TPTE2: variants seen among roughly 807,000 people sequenced by gnomAD.
The protein encoded by TPTE2 is transmembrane phosphoinositide 3-phosphatase and tensin homolog 2, also known as phosphatidylinositol 3,4,5-trisphosphate 3-phosphatase TPTE2.
In TPTE2, 53 loss-of-function variants were observed where a neutral mutation model predicts 78.6. The ratio of observed to expected loss-of-function variants is 0.67; its 90% CI spans 0.54 to 0.85. The LOEUF is 0.85. Ranked by LOEUF, TPTE2 falls within the 40% of genes least tolerant of loss-of-function variation. The probability of loss-of-function intolerance (pLI) is 0.00; values close to 1 mark genes in which losing one functional copy is unlikely to be tolerated. For synonymous variants in TPTE2, 175 were observed against 206.2 expected (o/e 0.85, Z 1.30); for missense variants, 461 against 623.0 (o/e 0.74, Z 2.77).
the TPTE2 span, among the ~76,000 whole-genome samples, chr13:19,554,996 T>C: frequency 6.6e-6 from 1 of 152,214 alleles, no homozygotes; most frequent in Non-Finnish European, 1.5e-5. Context: ...TTTTCCACCA[T>C]CATTAGGATC....
At chr13:19,528,850 T>C (rs1225176422) in intron 1 of TPTE2, among the ~76,000 whole-genome samples, 1 of 152,172 alleles carries the variant, frequency 6.6e-6, no homozygotes, top group Non-Finnish European at 1.5e-5. Context: ...CTGGGTGTGG[T>C]GGCTCACGCC....
intron 10 of TPTE2, among the ~76,000 whole-genome samples, chr13:19,456,695 T>G (rs1878556637): frequency 1.3e-5 from 2 of 152,172 alleles, no homozygotes; most frequent in South Asian, 4.1e-4. Context: ...TTGGAAATCT[T>G]AATATTTTTA....
chr13:19,506,952 G>A (rs1194632891), upstream of TPTE2, among the ~76,000 whole-genome samples: 4 of 152,118 alleles, frequency 2.6e-5, no homozygotes, highest in African/African-American at 9.7e-5. Flanking sequence ...GACTTCTTGT[G>A]ATCTATTTAT....
intron 1 of TPTE2, among the ~76,000 whole-genome samples, chr13:19,509,946 G>C (rs1869320419): frequency 6.6e-6 from 1 of 152,164 alleles, no homozygotes; most frequent in African/African-American, 2.4e-5. Context: ...CCATATTTAA[G>C]GGTAAACTCT....
chr13:19,554,269 G>A, the TPTE2 span, among the ~76,000 whole-genome samples: 1 of 152,062 alleles, frequency 6.6e-6, no homozygotes, highest in Non-Finnish European at 1.5e-5. Flanking sequence ...CAGCTACTCT[G>A]GAGGCTGAGG....
chr13:19,445,888 C>A (rs953336298), intron 13 of TPTE2, among the ~76,000 whole-genome samples: 3 of 152,328 alleles, frequency 2.0e-5, no homozygotes, highest in South Asian at 4.1e-4. Flanking sequence ...TTGCAATGAA[C>A]TGAGATCATG....
At chr13:19,439,350 G>A (rs888500286) in intron 13 of TPTE2, among the ~76,000 whole-genome samples, 8 of 151,722 alleles carry the variant, frequency 5.3e-5, no homozygotes, top group Non-Finnish European at 1.0e-4. Flanking sequence ...GGCTGCAGAA[G>A]CAAAGCCAAA....
At chr13:19,441,454 AG>A (rs576305661) in intron 13 of TPTE2, among the ~76,000 whole-genome samples, 1 of 152,098 alleles carries the variant, frequency 6.6e-6, no homozygotes, top group Non-Finnish European at 1.5e-5. Context: ...AAGAAAAAAA[AG>A]TATTTTGCCC....
chr13:19,438,936 G>C (rs894522308), intron 13 of TPTE2, among the ~76,000 whole-genome samples: 2 of 152,090 alleles, frequency 1.3e-5, no homozygotes, highest in Admixed American at 1.3e-4. Context: ...TTCCACTGGA[G>C]ATCCACGCAA....
chr13:19,501,896 C>T (rs1206561929), intron 1 of TPTE2, among the ~76,000 whole-genome samples: 7 of 151,264 alleles, frequency 4.6e-5, no homozygotes, highest in Non-Finnish European at 1.0e-4. Context: ...GCAACCTACT[C>T]ATCTGATAAA....
At chr13:19,545,161 G>A in the TPTE2 span, among the ~76,000 whole-genome samples, 1 of 151,838 alleles carries the variant, frequency 6.6e-6, no homozygotes, top group African/African-American at 2.4e-5. Context: ...CAAATGAGTA[G>A]TAACTGACTT....
chr13:19,482,427 T>C, intron 4 of TPTE2, 61 bp downstream of exon 7: 1 of 1,578,306 alleles, frequency 6.3e-7, no homozygotes, highest in Non-Finnish European at 8.6e-7. Context: ...GGAAGCCCTG[T>C]TTCACTAAAG....
chr13:19,455,108 A>C (rs1432125094), intron 10 of TPTE2, among the ~76,000 whole-genome samples: 1 of 152,202 alleles, frequency 6.6e-6, no homozygotes, highest in Non-Finnish European at 1.5e-5. Flanking sequence ...AAAATTGGCC[A>C]AGGGAGTGGT....
At chr13:19,499,277 C>G (rs1385434203) in intron 1 of TPTE2, among the ~76,000 whole-genome samples, 1 of 152,100 alleles carries the variant, frequency 6.6e-6, no homozygotes, top group Non-Finnish European at 1.5e-5. Context: ...AGGAATTGAA[C>G]TCAGCTCTGC....
At chr13:19,533,282 T>A (rs1363515577) in intron 1 of TPTE2, among the ~76,000 whole-genome samples, 4 of 152,172 alleles carry the variant, frequency 2.6e-5, no homozygotes, top group Middle Eastern at 6.3e-3. Flanking sequence ...TAGGACTAAA[T>A]ACAGAGAAAT....
In TPTE2 at chr13:19,449,576, T is replaced by C. The variant is rs546891919; in HGVS notation, c.973+500A>G. ...TGCTGAGACAGTAGATTTTAAATGTTCTCACACAAAAATATGTGGAGTAAT... is the reference window on the plus strand; with the variant it reads ...TGCTGAGACAGTAGATTTTAAATGTCCTCACACAAAAATATGTGGAGTAAT... On this transcript the variant is annotated intron_variant, in intron 13 of 19. Transcript: ENST00000400230. Among the ~76,000 whole-genome samples the C allele has an allele frequency of 4.6e-5, 7 of 152,342 alleles. No homozygotes were observed. In the East Asian group the frequency reaches 1.2e-3, roughly 25 times the overall value.
rs575918607 is a variant in TPTE2, at chr13:19,464,574, C to T, written c.677-54G>A. The stretch of plus-strand genomic sequence containing the variant: ...ACATTATTATAGATTTCATATAACA[C>T]AAAAAAAATTAATTTATACATGATC... On this transcript the variant is annotated intron_variant, in intron 9 of 19. Coordinates refer to ENST00000400230, the Ensembl canonical transcript of TPTE2. 5.4e-4 allele frequency: 839 copies of T among 1,554,856 alleles called. 5 individuals are homozygous for T. The African/African-American group carries it at 0.01, about 19-fold the overall frequency.
chr13:19,561,295 C>T, the TPTE2 span: 2 of 968,190 alleles, frequency 2.1e-6, no homozygotes, highest in Non-Finnish European at 1.5e-6. Context: ...CCTCCTGCCC[C>T]AGCATGCCGA....
exon 13 of TPTE2, chr13:19,450,080 G>T: frequency 1.9e-6 from 3 of 1,610,814 alleles, no homozygotes; most frequent in Non-Finnish European, 2.5e-6. Flanking sequence ...TATTACCTTT[G>T]CCTCCTTTAC....
Sources: gnomAD v4.1 joint callset for allele counts (sites outside exome capture counted in the v4.1 genomes callset) on GRCh38, gnomAD v4.1.1 for gene constraint, MANE v1.5 for transcripts, NCBI Gene and HGNC (gene_info 2026-07-23, HGNC 2026-07-21) for gene names.